The following PALB2 variants were observed in gnomAD, a reference collection of about 807,000 sequenced individuals.
The protein encoded by PALB2 is mutant partner and localizer of BRCA2.
Under a neutral mutation model 107.4 loss-of-function variants are expected in PALB2, and 82 were observed. The observed-to-expected ratio is 0.76, with a 90% CI of 0.64 to 0.92. The LOEUF is 0.92. Ranked by LOEUF, PALB2 falls within the 40% of genes least tolerant of loss-of-function variation. The pLI is 0.00. For synonymous variants in PALB2, 489 were observed against 496.8 expected (o/e 0.98, Z 0.21); for missense variants, 1,374 against 1,379.9 (o/e 1.00, Z 0.07).
chr16:23,634,739 G>C, intron 4 of PALB2, 123 bp downstream of exon 4: 1 of 1,344,398 alleles, frequency 7.4e-7, no homozygotes, highest in Non-Finnish European at 1.0e-6. Flanking sequence ...TGGGATTACA[G>C]ACGTAAGCCA....
At chr16:23,622,145 G>A (rs1239354674) in intron 9 of PALB2, among the ~76,000 whole-genome samples, 2 of 152,146 alleles carry the variant, frequency 1.3e-5, no homozygotes, top group African/African-American at 2.4e-5. Context: ...TAAAAATAAA[G>A]TGTAATGAGT....
In PALB2 at chr16:23,611,261, G is replaced by A. The variant is rs940893224; in HGVS notation, c.3201+2743C>T. ...CAGGTTGAAGTGATTCTCCTGCCTCGGCCTCCTGAGTAGCTGGGATTATAA... is the reference window on the plus strand; with the variant it reads ...CAGGTTGAAGTGATTCTCCTGCCTCAGCCTCCTGAGTAGCTGGGATTATAA... On this transcript the variant is annotated intron_variant, in intron 11 of 12. Coordinates refer to ENST00000261584, the MANE Select transcript of PALB2 (RefSeq NM_024675.4). 4.9e-4 allele frequency among the ~76,000 whole-genome samples: 75 copies of A among 151,634 alleles called. 1 individual carries two copies. The highest frequency in any genetic ancestry group is 1.6e-3 in the African/African-American group (65 of 41,298).
intron 11 of PALB2, among the ~76,000 whole-genome samples, chr16:23,611,238 G>A (rs2142288491): frequency 6.6e-6 from 1 of 152,190 alleles, no homozygotes; most frequent in East Asian, 1.9e-4. Context: ...TCCACCTCCA[G>A]GTTGAAGTGA....
At position 23,630,122 on chromosome 16, in the gene PALB2, G is replaced by A. The variant is rs376189676; in HGVS notation, c.2032C>T (p.Leu678=). ...MEDLEEDLIV[L]PGKSHPKRPN... The stretch of plus-strand genomic sequence containing the variant: ...CTTTTGGGATGTGATTTTCCTGGTA[G>A]AACAATAAGGTCCTCTTCTAAGTCC... Residue 678 remains leucine, a synonymous_variant, in exon 5 of 13, where the codon CTA becomes TTA. Transcript: ENST00000261584. 11 of 1,614,026 alleles carry A rather than the reference G, an allele frequency of 6.8e-6. No individual in the cohort carries two copies. The African/African-American group carries it at 1.5e-4, about 22-fold the overall frequency.
intron 1 of PALB2, 67 bp from the exon 2 acceptor site, chr16:23,638,196 G>C (rs1967115230): frequency 3.0e-6 from 4 of 1,313,222 alleles, no homozygotes; most frequent in Non-Finnish European, 4.4e-6. Context: ...AAGGGATGCA[G>C]TGCTTGGCGG....
intron 11 of PALB2, among the ~76,000 whole-genome samples, chr16:23,610,904 G>A (rs904199382): frequency 2.6e-5 from 4 of 151,734 alleles, no homozygotes; most frequent in African/African-American, 7.3e-5. Flanking sequence ...CAGGCATGGC[G>A]GCAGGCACAC....
intron 6 of PALB2, among the ~76,000 whole-genome samples, chr16:23,628,169 G>GTGGAGATTGGAGAT (rs1023370585): frequency 2.0e-5 from 3 of 152,226 alleles, no homozygotes; most frequent in Admixed American, 6.5e-5. Context: ...GTTGCAGTGA[G>GTGGAGATTGGAGAT]TGGAGATTGG....
chr16:23,603,673 A>G lies in PALB2; in HGVS notation c.3351-4T>C, dbSNP rs777945799. 1 of 1,612,138 alleles carries G rather than the reference A, an allele frequency of 6.2e-7. No homozygotes were observed. The highest frequency in any genetic ancestry group is 8.5e-7 in the Non-Finnish European group (1 of 1,178,334). The stretch of plus-strand genomic sequence containing the variant: ...TTTCACGTCACCTTCCAGGAACCTG[A>G]TAGCATACAAAGAAGATATAATTCA... On this transcript the variant is annotated splice_polypyrimidine_tract_variant and splice_region_variant and intron_variant, in intron 12 of 12. Coordinates refer to ENST00000261584, the MANE Select transcript of PALB2 (RefSeq NM_024675.4).
At chr16:23,615,955 C>T (rs998359833) in intron 10 of PALB2, among the ~76,000 whole-genome samples, 5 of 152,156 alleles carry the variant, frequency 3.3e-5, no homozygotes, top group African/African-American at 4.8e-5. Flanking sequence ...TGAGCCACCG[C>T]GCCCGGTGGT....
rs938063348 is a variant in PALB2, at chr16:23,618,399, C to A, written c.3113+2963G>T. Among the ~76,000 whole-genome samples, 3 of 152,092 alleles carry A rather than the reference C, an allele frequency of 2.0e-5. No homozygotes were observed. The East Asian group carries it at 5.8e-4, about 29-fold the overall frequency. On this transcript the variant is annotated intron_variant, in intron 10 of 12. Transcript: ENST00000261584. ...GACTACTTATAGAAAAAGGGTACAA[C>A]TGAGAGATGGGAAGGAAAAAGGGAG... is the stretch of plus-strand genomic sequence containing the variant.
chr16:23,615,381 C>G (rs1431560449), intron 10 of PALB2, among the ~76,000 whole-genome samples: 1 of 152,084 alleles, frequency 6.6e-6, no homozygotes, highest in Non-Finnish European at 1.5e-5. Flanking sequence ...CATGACTCAC[C>G]GTAGCCTTGA....
At chr16:23,617,671 G>A (rs1966708367) in intron 10 of PALB2, 1 of 150,414 alleles carries the variant, frequency 6.6e-6, no homozygotes, top group Admixed American at 6.6e-5. Context: ...TTGAGCCTGA[G>A]AGGTTGAGAC....
intron 4 of PALB2, among the ~76,000 whole-genome samples, chr16:23,631,300 A>T (rs1966875371): frequency 6.7e-6 from 1 of 149,072 alleles, no homozygotes; most frequent in Admixed American, 6.7e-5. Flanking sequence ...AAAAAAAAAA[A>T]AAAAACTAAA....
rs750052146 is a variant in PALB2, at chr16:23,621,496, T to G, written c.2997-18A>C. 1.3e-6 allele frequency: 2 copies of G among 1,521,596 alleles called. No homozygotes were observed. The highest frequency in any genetic ancestry group is 2.3e-5 in the East Asian group (1 of 44,398). 94.3% of individuals were successfully genotyped at this position (1,521,596 alleles called of 1,614,324 possible). On this transcript the variant is annotated intron_variant, in intron 9 of 12. Transcript: ENST00000261584. ...CTTTGCCTCTGTAATTAAAACAGTA[T>G]GAAAAGTCAGTACTTTGCACTAAAG...
chr16:23,619,424 T>G (rs1034785645), intron 10 of PALB2, among the ~76,000 whole-genome samples: 27 of 152,082 alleles, frequency 1.8e-4, no homozygotes, highest in African/African-American at 6.0e-4. Flanking sequence ...CTCGGCTCAC[T>G]GCAACCTCTG....
chr16:23,636,108 T>G lies in PALB2; in HGVS notation c.438A>C (p.Arg146Ser), dbSNP rs587781498. The change falls in exon 4 of 13, where the codon AGA (arginine) becomes AGC (serine). Residue 146 changes from arginine (R) to serine (S), a missense_variant. Physicochemically the swap from Arg to Ser is moderately radical, Grantham distance 110. Coordinates refer to ENST00000261584, the MANE Select transcript of PALB2 (RefSeq NM_024675.4). ...ATGTCCTCTTCTGCTGCTTCTTTCT[T>G]CTGCTTGGCAGCTTCTGCTTTTGCT... ...SGEQKQKLPS[R>S]RKKQQKRTFI... The G allele has an allele frequency of 5.6e-6, 9 of 1,613,700 alleles. No individual in the cohort carries two copies. The highest frequency in any genetic ancestry group is 7.6e-6 in the Non-Finnish European group (9 of 1,179,954).
At chr16:23,629,359 C>T (rs1016719444) in intron 5 of PALB2, 84 bp from the exon 6 acceptor site, 24 of 1,246,458 alleles carry the variant, frequency 1.9e-5, no homozygotes, top group South Asian at 6.0e-5. Context: ...ATGTCTACTT[C>T]GTATTGTCTT....
intron 6 of PALB2, among the ~76,000 whole-genome samples, chr16:23,628,791 G>A (rs1182363659): frequency 3.9e-5 from 6 of 152,042 alleles, no homozygotes; most frequent in African/African-American, 4.8e-5. Flanking sequence ...CCACCACCAC[G>A]CCCGGCTAAT....
intron 12 of PALB2, among the ~76,000 whole-genome samples, chr16:23,606,272 G>A (rs1253574842): frequency 6.6e-6 from 1 of 151,994 alleles, no homozygotes; most frequent in African/African-American, 2.4e-5. Flanking sequence ...CAAGCGTGGT[G>A]GCATGTACCT....
Sources: gnomAD v4.1 joint callset for allele counts (sites outside exome capture counted in the v4.1 genomes callset) on GRCh38, gnomAD v4.1.1 for gene constraint, MANE v1.5 for transcripts, NCBI Gene and HGNC (gene_info 2026-07-23, HGNC 2026-07-21) for gene names.